The following FAT3 variants were observed in gnomAD, a reference collection of about 807,000 sequenced individuals.
FAT3 encodes the protein protocadherin Fat 3.
FAT3 carries 95 observed loss-of-function variants against 310.2 expected under a neutral mutation model. The observed-to-expected ratio is 0.31, with a 90% CI of 0.26 to 0.36. The LOEUF is 0.36. FAT3 is among the 10% of genes least tolerant of loss of function. The pLI is 1.00. For missense variants in FAT3, 5,408 were observed against 5,715.6 expected (o/e 0.95, Z 1.74); for synonymous variants, 2,314 against 2,192.9 (o/e 1.06, Z -1.54).
chr11:92,712,130 A>T (rs1428753903), intron 4 of FAT3, among the ~76,000 whole-genome samples: 2 of 152,174 alleles, frequency 1.3e-5, no homozygotes, highest in Non-Finnish European at 2.9e-5. Flanking sequence ...GATCCAAACC[A>T]AACTGTAGCT....
At chr11:92,433,457 T>C (rs541128881) in intron 2 of FAT3, among the ~76,000 whole-genome samples, 1 of 152,168 alleles carries the variant, frequency 6.6e-6, no homozygotes, top group Admixed American at 6.5e-5. Context: ...CATGGCACAG[T>C]CCCTCACGGC....
intron 1 of FAT3, among the ~76,000 whole-genome samples, chr11:92,280,635 C>T (rs945969759): frequency 6.6e-6 from 1 of 152,126 alleles, no homozygotes; most frequent in African/African-American, 2.4e-5. Context: ...TAAAATATTT[C>T]AGAGGTCCTC....
chr11:92,258,802 G>T (rs993667985), intron 1 of FAT3, among the ~76,000 whole-genome samples: 5 of 152,020 alleles, frequency 3.3e-5, no homozygotes, highest in African/African-American at 1.2e-4. Flanking sequence ...AGTAGAGGCT[G>T]GTGAGTTAGG....
intron 2 of FAT3, among the ~76,000 whole-genome samples, chr11:92,472,172 G>T (rs554162093): frequency 1.3e-5 from 2 of 152,028 alleles, no homozygotes; most frequent in Middle Eastern, 3.4e-3. Flanking sequence ...TAAGCTAAAT[G>T]AGCAGTGTGT....
intron 1 of FAT3, among the ~76,000 whole-genome samples, chr11:92,347,339 T>G (rs1948445822): frequency 6.6e-6 from 1 of 152,194 alleles, no homozygotes; most frequent in South Asian, 2.1e-4. Context: ...TTCTTTGCTT[T>G]ACAGCCTAAC....
intron 3 of FAT3, among the ~76,000 whole-genome samples, chr11:92,682,734 A>T (rs749292712): frequency 4.6e-5 from 7 of 152,284 alleles, no homozygotes; most frequent in Non-Finnish European, 8.8e-5. Flanking sequence ...TGGTCACCCA[A>T]CAAATGTGTT....
chr11:92,495,058 G>A (rs563143123), intron 2 of FAT3, among the ~76,000 whole-genome samples: 11 of 152,092 alleles, frequency 7.2e-5, no homozygotes, highest in South Asian at 2.1e-4. Context: ...ACCATGTAGC[G>A]TGGTTTTTTT....
At chr11:92,518,000 G>C (rs189510212) in intron 2 of FAT3, among the ~76,000 whole-genome samples, 37 of 150,946 alleles carry the variant, frequency 2.5e-4, no homozygotes, top group African/African-American at 8.7e-4. Flanking sequence ...TGGAGAAATA[G>C]GAGTGCTTTT....
chr11:92,676,671 A>G (rs1035099669), intron 3 of FAT3, among the ~76,000 whole-genome samples: 9 of 152,228 alleles, frequency 5.9e-5, no homozygotes, highest in African/African-American at 9.6e-5. Flanking sequence ...AGTGGATCTT[A>G]GTCAAAGTGA....
At chr11:92,420,355 A>T (rs1445982135) in intron 2 of FAT3, among the ~76,000 whole-genome samples, 4 of 152,196 alleles carry the variant, frequency 2.6e-5, no homozygotes, top group Non-Finnish European at 4.4e-5. Context: ...AAGTGGCCAC[A>T]CTTTTATAGA....
intron 4 of FAT3, among the ~76,000 whole-genome samples, chr11:92,750,936 G>A (rs1251866752): frequency 2.0e-5 from 3 of 152,218 alleles, no homozygotes; most frequent in South Asian, 2.1e-4. Context: ...GCTCCATCTC[G>A]GAAGAGTCTG....
chr11:92,866,984 C>T lies in FAT3; in HGVS notation c.11902C>T (p.Arg3968Cys), dbSNP rs1171721543. The T allele has an allele frequency of 3.7e-6, 6 of 1,611,140 alleles. No individual in the cohort carries two copies. In the African/African-American group the frequency reaches 5.3e-5, roughly 14 times the overall value. ...FGALVQADNI[R>C]SLTDTRVTQV... ...CGCCCTGGTGCAAGCGGATAACATCCGCAGCCTGACTGACACGCGGGTCAC... is the reference window on the plus strand; with the variant it reads ...CGCCCTGGTGCAAGCGGATAACATCTGCAGCCTGACTGACACGCGGGTCAC... The change falls in exon 22 of 28, where the codon CGC becomes TGC. Residue 3968 changes from arginine (R) to cysteine (C), a missense_variant. Coordinates refer to ENST00000525166, the MANE Select transcript of FAT3 (RefSeq NM_001367949.2).
At chr11:92,692,855 T>C (rs1943834427) in intron 3 of FAT3, among the ~76,000 whole-genome samples, 1 of 152,212 alleles carries the variant, frequency 6.6e-6, no homozygotes, top group Non-Finnish European at 1.5e-5. Context: ...CTGAAACAGC[T>C]AAGACCTGCA....
chr11:92,796,064 G>A (rs997950378), intron 9 of FAT3, among the ~76,000 whole-genome samples: 1 of 151,998 alleles, frequency 6.6e-6, no homozygotes, highest in Admixed American at 6.6e-5. Flanking sequence ...AGTGAACACC[G>A]AGATCCCTGG....
intron 2 of FAT3, among the ~76,000 whole-genome samples, chr11:92,401,293 G>A (rs1893263): frequency 0.035 from 5,384 of 152,198 alleles, 286 homozygotes; most frequent in African/African-American, 0.11. Flanking sequence ...ACTCTACCAG[G>A]TGCTCAGTAA....
At chr11:92,276,688 C>G (rs1201158287) in intron 1 of FAT3, among the ~76,000 whole-genome samples, 2 of 152,094 alleles carry the variant, frequency 1.3e-5, no homozygotes, top group African/African-American at 2.4e-5. Flanking sequence ...GGGAGTCAAG[C>G]TCAGTTAGAC....
chr11:92,831,716 A>G lies in FAT3; in HGVS notation c.9576A>G (p.Pro3192=). 12 of 1,613,602 alleles carry G rather than the reference A, an allele frequency of 7.4e-6. No individual in the cohort carries two copies. The highest frequency in any genetic ancestry group is 1.0e-5 in the Non-Finnish European group (12 of 1,179,780). The part of the protein sequence containing the change: ...SSSGIIILEQ[P]LDREQQSSYN... ...CTGGCATCATCATCCTGGAGCAGCC[A>G]CTGGACCGTGAGCAGCAGTCTTCGT... Residue 3192 remains proline, a synonymous_variant, in exon 14 of 28, where the codon CCA becomes CCG. Transcript: ENST00000525166.
rs1565486185 is a variant in FAT3 at position 92,649,873 on chromosome 11, TC to T, written c.3608-47510del. Among the ~76,000 whole-genome samples, 8 of 33,910 alleles carry T rather than the reference TC, an allele frequency of 2.4e-4. 1 individual carries two copies. The highest frequency in any genetic ancestry group is 7.6e-4 in the African/African-American group (7 of 9,200). 22.2% of individuals were successfully genotyped at this position (33,910 alleles called of 152,430 possible). A position where few individuals can be genotyped will look rare whatever the true frequency, so the allele number is the denominator to read the frequency against. On this transcript the variant is annotated intron_variant, in intron 3 of 27. Coordinates refer to ENST00000525166, the MANE Select transcript of FAT3 (RefSeq NM_001367949.2). ...TTTGTTAAACACCCACTTTGTATGTTCATATATATATATATATATATATATA... is the reference window on the plus strand; with the variant it reads ...TTTGTTAAACACCCACTTTGTATGTTATATATATATATATATATATATATA...
chr11:92,847,639 G>A (rs76811883), intron 19 of FAT3, among the ~76,000 whole-genome samples: 3,479 of 152,240 alleles, frequency 0.023, 69 homozygotes, highest in Non-Finnish European at 0.035. Flanking sequence ...AGTTGGGGTG[G>A]AGCCTAGGAT....
Sources: allele counts gnomAD v4.1 joint callset (sites outside exome capture counted in the v4.1 genomes callset), GRCh38; gene constraint gnomAD v4.1.1; transcripts MANE v1.5; gene names NCBI Gene and HGNC (gene_info 2026-07-23, HGNC 2026-07-21).